The following DGLUCY variants were observed in gnomAD, a reference collection of about 807,000 sequenced individuals.
DGLUCY encodes D-glutamate cyclase, mitochondrial.
Under a neutral mutation model 58.5 loss-of-function variants are expected in DGLUCY, and 58 were observed. The ratio of observed to expected loss-of-function variants is 0.99; its 90% CI spans 0.80 to 1.23. The LOEUF (loss-of-function observed/expected upper bound fraction) is 1.23, where lower values mean the gene tolerates loss of function less well. Among genes scored for constraint, DGLUCY ranks in the 50% most tolerant of loss-of-function variants. The pLI is 0.00. For synonymous variants in DGLUCY, 325 were observed against 314.1 expected (o/e 1.03, Z -0.37); for missense variants, 779 against 784.7 (o/e 0.99, Z 0.09).
chr14:91,115,328 G>A (rs2044861300), intron 1 of DGLUCY: 1 of 152,906 alleles, frequency 6.5e-6, no homozygotes. Flanking sequence ...AAGCAGGAAG[G>A]GGAAGGAGGT....
intron 12 of DGLUCY, among the ~76,000 whole-genome samples, chr14:91,211,995 G>T (rs1483898313): frequency 2.0e-5 from 3 of 152,080 alleles, no homozygotes; most frequent in Admixed American, 6.6e-5. Flanking sequence ...TAGAGACGGG[G>T]TTTCACCATG....
At chr14:91,063,906 G>A (rs2043775234) in intron 1 of DGLUCY, among the ~76,000 whole-genome samples, 1 of 152,242 alleles carries the variant, frequency 6.6e-6, no homozygotes. Flanking sequence ...GACTGCGCTG[G>A]AGAAGGCAAA....
At chr14:91,215,888 G>T (rs1296199531) in intron 13 of DGLUCY, 13 of 589,082 alleles carry the variant, frequency 2.2e-5, no homozygotes, top group Non-Finnish European at 2.6e-5. Context: ...CTCACCCATG[G>T]TGGGTACTTC....
At chr14:91,100,071 A>AG in intron 1 of DGLUCY, among the ~76,000 whole-genome samples, 1 of 149,134 alleles carries the variant, frequency 6.7e-6, no homozygotes, top group Admixed American at 6.9e-5. Context: ...AAAAAAAAAA[A>AG]AAAAGAAGAA....
In DGLUCY at chr14:91,193,351, G is replaced by A. The variant is rs539748131; in HGVS notation, c.1196-3024G>A. ...CTCTGCCCTCTCTGCTCACCTGACA[G>A]CCTGGCTTGGAGACGCCTGCCAGAC... On this transcript the variant is annotated intron_variant, in intron 9 of 13. Coordinates refer to ENST00000256324, the MANE Select transcript of DGLUCY (RefSeq NM_001102368.3). Among the ~76,000 whole-genome samples, 64 of 152,292 alleles carry A rather than the reference G, an allele frequency of 4.2e-4. 1 individual carries two copies. The Middle Eastern group carries it at 0.017, about 40-fold the overall frequency.
intron 1 of DGLUCY, among the ~76,000 whole-genome samples, chr14:91,145,667 A>G (rs1207617495): frequency 2.0e-5 from 3 of 152,140 alleles, no homozygotes; most frequent in Non-Finnish European, 2.9e-5. Flanking sequence ...TCCAGCAGTT[A>G]TTGAGCGCTT....
At chr14:91,161,463 T>C (rs1030914322) in intron 3 of DGLUCY, among the ~76,000 whole-genome samples, 3 of 152,228 alleles carry the variant, frequency 2.0e-5, no homozygotes, top group African/African-American at 7.2e-5. Flanking sequence ...TTCTGTTCCA[T>C]GTGGTGTCTG....
chr14:91,196,746 A>C (rs1417799356), intron 10 of DGLUCY, among the ~76,000 whole-genome samples: 2 of 13,086 alleles, frequency 1.5e-4, no homozygotes, highest in Non-Finnish European at 4.3e-4. Context: ...CATAGCACTA[A>C]AAAAAAAAAA....
At chr14:91,116,255 A>T (rs1566947047) in intron 1 of DGLUCY, among the ~76,000 whole-genome samples, 1 of 152,222 alleles carries the variant, frequency 6.6e-6, no homozygotes, top group Admixed American at 6.5e-5. Context: ...TTTATGCCAC[A>T]CTTTACAGCT....
At chr14:91,156,315 T>C (rs188690035) in intron 1 of DGLUCY, among the ~76,000 whole-genome samples, 158 of 152,282 alleles carry the variant, frequency 1.0e-3, no homozygotes, top group African/African-American at 3.7e-3. Flanking sequence ...GGTTTTGTCA[T>C]GTTGCCTAGG....
At chr14:91,145,390 A>T (rs1011852701) in intron 1 of DGLUCY, 1 of 152,116 alleles carries the variant, frequency 6.6e-6, no homozygotes, top group African/African-American at 2.4e-5. Context: ...TGGGCTGATG[A>T]CCCTTCTGCA....
chr14:91,082,722 T>C (rs763943322), intron 1 of DGLUCY, among the ~76,000 whole-genome samples: 4 of 152,130 alleles, frequency 2.6e-5, no homozygotes, highest in African/African-American at 7.2e-5. Flanking sequence ...CTTTGGTGAA[T>C]GTGTTAGATA....
chr14:91,068,657 G>A (rs898330393), intron 1 of DGLUCY, among the ~76,000 whole-genome samples: 2 of 151,980 alleles, frequency 1.3e-5, no homozygotes, highest in Non-Finnish European at 2.9e-5. Flanking sequence ...CAACAAGAGC[G>A]AAACTCCACC....
At chr14:91,146,239 C>T (rs1343364978) in intron 1 of DGLUCY, among the ~76,000 whole-genome samples, 2 of 152,168 alleles carry the variant, frequency 1.3e-5, no homozygotes, top group African/African-American at 4.8e-5. Flanking sequence ...ACATGGCTGG[C>T]AAGTGGCTGA....
rs183894609 is a variant in DGLUCY, at chr14:91,061,129, G to A, written c.-82+425G>A. Among the ~76,000 whole-genome samples the A allele has an allele frequency of 3.2e-3, 485 of 152,248 alleles. 4 individuals are homozygous for A. Among genetic ancestry groups the A allele is most frequent in the African/African-American group, 0.011 (472 of 41,546 alleles). ...ACAGAGGAGGGGCCTGGAGGGTAGC[G>A]CTTATCACCCACGTGTTTGCAGACA... is the stretch of plus-strand genomic sequence containing the variant. On this transcript the variant is annotated intron_variant, in intron 1 of 4. Coordinates refer to the DGLUCY transcript ENST00000521334.
intron 1 of DGLUCY, among the ~76,000 whole-genome samples, chr14:91,074,620 A>G (rs2043988531): frequency 6.6e-6 from 1 of 152,206 alleles, no homozygotes; most frequent in African/African-American, 2.4e-5. Context: ...ATAATTAAGT[A>G]TTCCACAGAC....
At chr14:91,220,637 G>A (rs989988200) in intron 13 of DGLUCY, 28 of 456,136 alleles carry the variant, frequency 6.1e-5, no homozygotes, top group African/African-American at 1.0e-4. Flanking sequence ...AGATGGAGCC[G>A]TTTCTCCCGC....
At chr14:91,135,249 T>C (rs1438522065) in intron 1 of DGLUCY, among the ~76,000 whole-genome samples, 1 of 152,126 alleles carries the variant, frequency 6.6e-6, no homozygotes, top group African/African-American at 2.4e-5. Context: ...TTATTTGCTT[T>C]CTTATTCTTG....
chr14:91,077,265 A>C (rs564776232), intron 1 of DGLUCY, among the ~76,000 whole-genome samples: 1 of 147,386 alleles, frequency 6.8e-6, no homozygotes, highest in Non-Finnish European at 1.5e-5. Context: ...GAGAGAGAGA[A>C]AGAGAGAGAG....
Sources: allele counts gnomAD v4.1 joint callset (sites outside exome capture counted in the v4.1 genomes callset), GRCh38; gene constraint gnomAD v4.1.1; transcripts MANE v1.5; gene names NCBI Gene and HGNC (gene_info 2026-07-23, HGNC 2026-07-21).